Variants in ANGPT2 observed in about 807,000 individuals in gnomAD.
ANGPT2 encodes angiopoietin 2.
In ANGPT2, 28 loss-of-function variants were observed where a neutral mutation model predicts 62.9. The ratio of observed to expected loss-of-function variants is 0.44; its 90% CI spans 0.33 to 0.61. The LOEUF (loss-of-function observed/expected upper bound fraction) is 0.61, where lower values mean the gene tolerates loss of function less well. Among genes scored for constraint, ANGPT2 ranks in the 20% least tolerant of loss-of-function variants. ANGPT2 has a pLI of 0.03. For synonymous variants in ANGPT2, 284 were observed against 207.8 expected, an observed-to-expected ratio of 1.37 and a Z score of -3.15; for missense variants, 727 against 594.9, an observed-to-expected ratio of 1.22 and a Z score of -2.31.
intron 1 of ANGPT2, among the ~76,000 whole-genome samples, chr8:6,551,162 A>G (rs4841262): frequency 0.1 from 15,834 of 152,124 alleles, 927 homozygotes; most frequent in African/African-American, 0.15. Flanking sequence ...TTAGGATTTT[A>G]AATCACTTAA....
chr8:6,551,815 G>T (rs1001193345), intron 1 of ANGPT2, among the ~76,000 whole-genome samples: 3 of 152,120 alleles, frequency 2.0e-5, no homozygotes, highest in Admixed American at 1.3e-4. Context: ...CTGTTTTTCA[G>T]CAAAATACAA....
At chr8:6,545,515 A>G (rs184259489) in intron 1 of ANGPT2, among the ~76,000 whole-genome samples, 31 of 152,356 alleles carry the variant, frequency 2.0e-4, no homozygotes, top group Non-Finnish European at 2.1e-4. Flanking sequence ...TTGGAAAAGT[A>G]ATTTTAAAGT....
chr8:6,563,174 G>A lies in ANGPT2; in HGVS notation c.-240C>T, dbSNP rs1825815939. Reference sequence around the variant, plus strand: ...AAGAACAGTCCTGCTCACTTGGGAGGGCTGTGTCAGCTTTTACAGAGCAGC... The same window carrying A: ...AAGAACAGTCCTGCTCACTTGGGAGAGCTGTGTCAGCTTTTACAGAGCAGC... On this transcript the variant is annotated 5_prime_UTR_variant, in exon 1 of 9. Transcript: ENST00000629816. The A allele has an allele frequency of 2.7e-6, 1 of 370,192 alleles. No individual in the cohort carries two copies. Among genetic ancestry groups the A allele is most frequent in the Non-Finnish European group, 5.0e-6 (1 of 200,580 alleles). 22.9% of individuals were successfully genotyped at this position (370,192 alleles called of 1,614,324 possible). A position where few individuals can be genotyped will look rare whatever the true frequency, so the allele number is the denominator to read the frequency against.
rs376404039 is a variant in ANGPT2, at chr8:6,538,350, G to C, written c.289-5863C>G. ...GGGTCCACTGTCCTCTCTGTCTCTT[G>C]CTGGCCACGCATCCCCCAGCTGCTC... On this transcript the variant is annotated intron_variant, in intron 1 of 8. Coordinates refer to ENST00000629816, the MANE Select transcript of ANGPT2 (RefSeq NM_001118887.2). Among the ~76,000 whole-genome samples the C allele has an allele frequency of 1.1e-4, 16 of 152,268 alleles. No homozygotes were observed. The East Asian group carries it at 3.1e-3, about 29-fold the overall frequency.
At chr8:6,556,519 AC>A (rs11358250) in intron 1 of ANGPT2, among the ~76,000 whole-genome samples, 151,398 of 152,264 alleles carry the variant, frequency 0.99, 75,274 homozygotes, top group Middle Eastern at 1. Flanking sequence ...TCATTCATTT[AC>A]CCCTTCTGTG....
Position 6,500,304 on chromosome 8 carries a change from G to A in ANGPT2, c.*2797C>T, listed in dbSNP as rs1811901887. On this transcript the variant is annotated 3_prime_UTR_variant, in exon 9 of 9. Transcript: ENST00000629816. ...AAAGATTATGGCTTGCTGGTGCTGT[G>A]ATAACAGTATTTATATTTTTATGGC... 1 of 186,642 alleles carries A rather than the reference G, an allele frequency of 5.4e-6. No individual in the cohort carries two copies. The highest frequency in any genetic ancestry group is 1.1e-5 in the Non-Finnish European group (1 of 88,684). 11.6% of individuals were successfully genotyped at this position (186,642 alleles called of 1,614,324 possible). A position where few individuals can be genotyped will look rare whatever the true frequency, so the allele number is the denominator to read the frequency against.
At chr8:6,515,262 G>A (rs1033331448) in intron 5 of ANGPT2, among the ~76,000 whole-genome samples, 1 of 152,090 alleles carries the variant, frequency 6.6e-6, no homozygotes, top group Non-Finnish European at 1.5e-5. Context: ...TTGATCATAG[G>A]GTTTGGAGGA....
rs1164946806 is a variant in ANGPT2, at chr8:6,502,347, C to T, written c.*754G>A. On this transcript the variant is annotated 3_prime_UTR_variant, in exon 9 of 9. Coordinates refer to ENST00000629816, the MANE Select transcript of ANGPT2 (RefSeq NM_001118887.2). ...TAAAAATACCTTCATATTTAACAAT[C>T]AGGCAGAAAAAAATAGTACGGTCTG... 1 of 152,086 alleles carries T rather than the reference C, an allele frequency of 6.6e-6. No homozygotes were observed. The highest frequency in any genetic ancestry group is 1.5e-5 in the Non-Finnish European group (1 of 67,996). The allele number at this position is 152,086 out of a possible 1,614,324, so 9.4% of individuals were successfully genotyped here. A position where few individuals can be genotyped will look rare whatever the true frequency, so the allele number is the denominator to read the frequency against.
At chr8:6,558,712 C>G (rs1825041791) in intron 1 of ANGPT2, among the ~76,000 whole-genome samples, 1 of 152,096 alleles carries the variant, frequency 6.6e-6, no homozygotes, top group African/African-American at 2.4e-5. Flanking sequence ...ACTCTGCAAG[C>G]AAACAATCAT....
At chr8:6,523,776 AC>A (rs1399954192) in intron 3 of ANGPT2, among the ~76,000 whole-genome samples, 1 of 151,852 alleles carries the variant, frequency 6.6e-6, no homozygotes, top group African/African-American at 2.4e-5. Context: ...TTTAGTAGAG[AC>A]GTGGTTTCAT....
In ANGPT2 at chr8:6,513,389, G is replaced by C. The variant is rs1039386592; in HGVS notation, c.1196+289C>G. On this transcript the variant is annotated intron_variant, in intron 7 of 8. Transcript: ENST00000629816. ...GCTCTGTCGCCCAGGTTGCAGTGCCGTGGCACGATCTCGGCTCACTGCAAG... is the reference window on the plus strand; with the variant it reads ...GCTCTGTCGCCCAGGTTGCAGTGCCCTGGCACGATCTCGGCTCACTGCAAG... Among the ~76,000 whole-genome samples the C allele has an allele frequency of 1.1e-4, 16 of 146,068 alleles. 1 individual carries two copies. Among genetic ancestry groups the C allele is most frequent in the Admixed American group, 1.1e-3 (15 of 14,160 alleles).
intron 8 of ANGPT2, among the ~76,000 whole-genome samples, chr8:6,505,671 ATACTTTACATATATAGAATATATG>A (rs1342792953): frequency 7.7e-6 from 1 of 129,416 alleles, no homozygotes; most frequent in African/African-American, 2.8e-5. Context: ...TAGAATATAT[ATACTTTACATATATAGAATATATG>A]TATTCTTTAT....
intron 7 of ANGPT2, among the ~76,000 whole-genome samples, chr8:6,510,594 G>C (rs935718859): frequency 2.0e-5 from 3 of 152,200 alleles, no homozygotes; most frequent in Admixed American, 6.5e-5. Flanking sequence ...CGCCATCTTT[G>C]TTTTGGCACT....
intron 8 of ANGPT2, among the ~76,000 whole-genome samples, chr8:6,504,886 G>A (rs1812970307): frequency 6.6e-6 from 1 of 151,980 alleles, no homozygotes; most frequent in Admixed American, 6.6e-5. Flanking sequence ...GGACATCTTG[G>A]AATGTTTCCC....
chr8:6,533,798 A>G (rs999883822), intron 1 of ANGPT2, among the ~76,000 whole-genome samples: 1 of 152,158 alleles, frequency 6.6e-6, no homozygotes, highest in Admixed American at 6.5e-5. Context: ...TCGTGGAGTC[A>G]GTCATCAGAC....
At chr8:6,549,667 C>T (rs984398423) in intron 1 of ANGPT2, among the ~76,000 whole-genome samples, 14 of 143,148 alleles carry the variant, frequency 9.8e-5, no homozygotes, top group African/African-American at 2.9e-4. Flanking sequence ...GAGCTGCCTG[C>T]AGGGGAAGAA....
rs1324856359 is a variant in ANGPT2, at chr8:6,501,575, G to A, written c.*1526C>T. Reference sequence around the variant, plus strand: ...TTTCTTTTTTTTTTTTTTTTTTTGAGATGGAGTCTTGCTCTGTTGCCCCGG... The same window carrying A: ...TTTCTTTTTTTTTTTTTTTTTTTGAAATGGAGTCTTGCTCTGTTGCCCCGG... On this transcript the variant is annotated 3_prime_UTR_variant, in exon 9 of 9. Coordinates refer to ENST00000629816, the MANE Select transcript of ANGPT2 (RefSeq NM_001118887.2). 2.4e-5 allele frequency: 3 copies of A among 127,258 alleles called. No individual in the cohort carries two copies. Among genetic ancestry groups the A allele is most frequent in the Non-Finnish European group, 4.8e-5 (3 of 62,222 alleles). 7.9% of individuals were successfully genotyped at this position (127,258 alleles called of 1,614,324 possible).
At chr8:6,540,835 G>A (rs1821418676) in intron 1 of ANGPT2, among the ~76,000 whole-genome samples, 1 of 152,250 alleles carries the variant, frequency 6.6e-6, no homozygotes, top group African/African-American at 2.4e-5. Flanking sequence ...GGCGCCGCAG[G>A]GTGGTTCGCA....
intron 8 of ANGPT2, chr8:6,507,716 G>C (rs1350718802): frequency 6.6e-6 from 1 of 151,548 alleles, no homozygotes. Flanking sequence ...AGGAGTAGCT[G>C]GGATTACAGG....
Sources: allele counts gnomAD v4.1 joint callset (sites outside exome capture counted in the v4.1 genomes callset), GRCh38; gene constraint gnomAD v4.1.1; transcripts MANE v1.5; gene names NCBI Gene and HGNC (gene_info 2026-07-23, HGNC 2026-07-21).